AGAP1: variants seen among roughly 807,000 people sequenced by gnomAD.
AGAP1 encodes the protein ArfGAP with GTPase domain, ankyrin repeat and PH domain 1, also known as arf-GAP with GTPase, ANK repeat and PH domain-containing protein 1.
AGAP1 carries 29 observed loss-of-function variants against 105.3 expected under a neutral mutation model. That is an observed-to-expected ratio of 0.28 (90% confidence interval 0.21 to 0.38). The LOEUF (loss-of-function observed/expected upper bound fraction) is 0.38, where lower values mean the gene tolerates loss of function less well. Among genes scored for constraint, AGAP1 ranks in the 10% least tolerant of loss-of-function variants. The pLI is 1.00. For synonymous variants in AGAP1, 509 were observed against 485.9 expected, an observed-to-expected ratio of 1.05 and a Z score of -0.63; for missense variants, 998 against 1,165.1, an observed-to-expected ratio of 0.86 and a Z score of 2.09.
intron 6 of AGAP1, among the ~76,000 whole-genome samples, chr2:235,768,467 A>G (rs1198643378): frequency 6.6e-6 from 1 of 152,230 alleles, no homozygotes; most frequent in Non-Finnish European, 1.5e-5. Context: ...AAGTCATGAG[A>G]AAAGAAGTTA....
intron 9 of AGAP1, among the ~76,000 whole-genome samples, chr2:235,880,519 T>TC (rs2049965355): frequency 6.6e-6 from 1 of 150,728 alleles, no homozygotes; most frequent in Non-Finnish European, 1.5e-5. Flanking sequence ...TCACCTGAGG[T>TC]CAGCAGTTCA....
At position 235,970,447 on chromosome 2, in the gene AGAP1, A is replaced by G. The variant is rs1351084873; in HGVS notation, c.1645+1824A>G. On this transcript the variant is annotated intron_variant, in intron 13 of 17. Coordinates refer to ENST00000304032, the MANE Select transcript of AGAP1 (RefSeq NM_001037131.3). The surrounding 1 kb of genome is among the most constrained non-coding windows in gnomAD (Gnocchi z 5.4). ...TGCAGCCACCCCTCCCTGATTGGGA[A>G]GAAGGTTAGCCTCCCCCAGGGTGGG... Among the ~76,000 whole-genome samples, 1 of 152,136 alleles carries G rather than the reference A, an allele frequency of 6.6e-6. No homozygotes were observed. The highest frequency in any genetic ancestry group is 1.5e-5 in the Non-Finnish European group (1 of 68,020).
chr2:235,923,491 C>T lies in AGAP1; in HGVS notation c.1325-7274C>T, dbSNP rs73996631. On this transcript the variant is annotated intron_variant, in intron 11 of 17. Transcript: ENST00000304032. ...GCAGCAGGTAGCCAGCCCTCATGGA[C>T]CCCTTCCTGTCCCGTGCACCCCCAC... Among the ~76,000 whole-genome samples, 1,329 of 151,514 alleles carry T rather than the reference C, an allele frequency of 8.8e-3. 18 individuals are homozygous for T. Among genetic ancestry groups the T allele is most frequent in the African/African-American group, 0.031 (1,271 of 41,162 alleles).
Position 236,101,625 on chromosome 2 carries a change from C to T in AGAP1, c.2115-18567C>T, listed in dbSNP as rs537504388. Among the ~76,000 whole-genome samples, 23 of 152,168 alleles carry T rather than the reference C, an allele frequency of 1.5e-4. No individual in the cohort carries two copies. Among genetic ancestry groups the T allele is most frequent in the Non-Finnish European group, 2.2e-4 (15 of 68,030 alleles). On this transcript the variant is annotated intron_variant, in intron 16 of 17. Transcript: ENST00000304032. The surrounding 1 kb of genome is among the most constrained non-coding windows in gnomAD (Gnocchi z 4.9). ...TACATCCACTTTACGGGATCCGGAG[C>T]GGAGGAAAAGGGCCATTTCTCTTCC... is the stretch of plus-strand genomic sequence containing the variant.
rs1352522373 is a variant in AGAP1 at position 235,751,337 on chromosome 2, GGGTCC to G, written c.673+850_673+854del. On this transcript the variant is annotated intron_variant, in intron 6 of 17. Coordinates refer to ENST00000304032, the MANE Select transcript of AGAP1 (RefSeq NM_001037131.3). This position sits in a 1 kb window ranked among gnomAD's most constrained non-coding sequence, Gnocchi z 5.3. ...GTGGGAGTGGTGGAAGTCACTTGTA[GGGTCC>G]TCTCCCCTTCTGGTTTAAATCCATG... Among the ~76,000 whole-genome samples the G allele has an allele frequency of 2.0e-5, 3 of 152,124 alleles. No homozygotes were observed. Among genetic ancestry groups the G allele is most frequent in the Non-Finnish European group, 4.4e-5 (3 of 68,004 alleles).
Position 235,908,715 on chromosome 2 carries a change from T to C in AGAP1, c.1156-23T>C. The C allele has an allele frequency of 6.4e-7, 1 of 1,574,636 alleles. No individual in the cohort carries two copies. On this transcript the variant is annotated intron_variant, in intron 10 of 17. Transcript: ENST00000304032. This position sits in a 1 kb window ranked among gnomAD's most constrained non-coding sequence, Gnocchi z 4.4. ...GTCTTTTTTTTTTTTTTATCTCTCTTGGATGTTTAACATTTTCAACAGGAT... is the reference window on the plus strand; with the variant it reads ...GTCTTTTTTTTTTTTTTATCTCTCTCGGATGTTTAACATTTTCAACAGGAT...
chr2:235,530,273 C>T (rs1942996492), intron 1 of AGAP1, among the ~76,000 whole-genome samples: 1 of 152,090 alleles, frequency 6.6e-6, no homozygotes, highest in Non-Finnish European at 1.5e-5. Context: ...GATGTACAGT[C>T]GACTTGCCAT....
rs1043549782 is a variant in AGAP1 at position 235,979,218 on chromosome 2, A to G, written c.1645+10595A>G. 6.7e-6 allele frequency among the ~76,000 whole-genome samples: 1 copy of G among 150,208 alleles called. No homozygotes were observed. The highest frequency in any genetic ancestry group is 2.5e-5 in the African/African-American group (1 of 40,614). On this transcript the variant is annotated intron_variant, in intron 13 of 17. Transcript: ENST00000304032. This position sits in a 1 kb window ranked among gnomAD's most constrained non-coding sequence, Gnocchi z 4.5. ...ATCCCTGGTCTCAAGAGATCCTCCC[A>G]TGTCAGCTTCCTGAGTTGCTGGGAT...
Position 236,053,008 on chromosome 2 carries a change from CTG to C in AGAP1, c.2114+3733_2114+3734del, listed in dbSNP as rs2125722463. On this transcript the variant is annotated intron_variant, in intron 16 of 17. Coordinates refer to ENST00000304032, the MANE Select transcript of AGAP1 (RefSeq NM_001037131.3). The surrounding 1 kb of genome is among the most constrained non-coding windows in gnomAD (Gnocchi z 4.6). ...AGGGGTTTAAGAAGGGAGCCGTCAG[CTG>C]TGTGTAGGACAGGACTTCGTAACAC... 6.6e-6 allele frequency among the ~76,000 whole-genome samples: 1 copy of C among 152,184 alleles called. No homozygotes were observed. Among genetic ancestry groups the C allele is most frequent in the East Asian group, 1.9e-4 (1 of 5,182 alleles).
intron 1 of AGAP1, among the ~76,000 whole-genome samples, chr2:235,588,874 C>T (rs185901853): frequency 1.1e-3 from 166 of 152,242 alleles, no homozygotes; most frequent in African/African-American, 2.9e-3. Flanking sequence ...AAGAATCTTC[C>T]GGCTGGGAAA....
At position 236,080,865 on chromosome 2, in the gene AGAP1, A is replaced by G. The variant is rs528555810; in HGVS notation, c.2114+31584A>G. On this transcript the variant is annotated intron_variant, in intron 16 of 17. Coordinates refer to ENST00000304032, the MANE Select transcript of AGAP1 (RefSeq NM_001037131.3). This position sits in a 1 kb window ranked among gnomAD's most constrained non-coding sequence, Gnocchi z 4.2. ...TTCTGACTCTGATTCTCCTATTTAT[A>G]TGACCCTCTTATAAGGACCCTTGTA... Among the ~76,000 whole-genome samples the G allele has an allele frequency of 2.6e-5, 4 of 152,244 alleles. No homozygotes were observed. The South Asian group carries it at 6.2e-4, about 24-fold the overall frequency.
At chr2:235,536,712 C>G (rs1289013625) in intron 1 of AGAP1, among the ~76,000 whole-genome samples, 1 of 151,680 alleles carries the variant, frequency 6.6e-6, no homozygotes, top group Non-Finnish European at 1.5e-5. Flanking sequence ...TCCCTGAAAA[C>G]ATGAGGTCTG....
rs1030734525 is a variant in AGAP1, at chr2:235,797,979, C to G, written c.801+93C>G. 62 of 1,310,570 alleles carry G rather than the reference C, an allele frequency of 4.7e-5. No homozygotes were observed. The African/African-American group carries it at 7.2e-4, about 15-fold the overall frequency. 81.2% of individuals were successfully genotyped at this position (1,310,570 alleles called of 1,614,324 possible). On this transcript the variant is annotated intron_variant, in intron 7 of 17. Transcript: ENST00000304032. ...CAATGCTAAGGTTGATTTTTTTTTT[C>G]TTTTCAACTTTATAAGTAACAGCAT...
intron 1 of AGAP1, among the ~76,000 whole-genome samples, chr2:235,512,854 A>G (rs1942207920): frequency 6.6e-6 from 1 of 152,164 alleles, no homozygotes; most frequent in Non-Finnish European, 1.5e-5. Flanking sequence ...GAGATACATG[A>G]GTGAAAATAT....
At position 235,927,008 on chromosome 2, in the gene AGAP1, T is replaced by C. The variant is rs1393607913; in HGVS notation, c.1325-3757T>C. ...AAAAATGATCAACTAAGTAAAAATG[T>C]CTCTATGAGCTCAGCCTGGACGTCA... On this transcript the variant is annotated intron_variant, in intron 11 of 17. Coordinates refer to ENST00000304032, the MANE Select transcript of AGAP1 (RefSeq NM_001037131.3). This position sits in a 1 kb window ranked among gnomAD's most constrained non-coding sequence, Gnocchi z 4.4. 1.3e-5 allele frequency among the ~76,000 whole-genome samples: 2 copies of C among 152,238 alleles called. No individual in the cohort carries two copies. The highest frequency in any genetic ancestry group is 4.8e-5 in the African/African-American group (2 of 41,464).
Position 236,096,149 on chromosome 2 carries a change from A to G in AGAP1, c.2115-24043A>G, listed in dbSNP as rs1376936000. On this transcript the variant is annotated intron_variant, in intron 16 of 17. Coordinates refer to ENST00000304032, the MANE Select transcript of AGAP1 (RefSeq NM_001037131.3). This position sits in a 1 kb window ranked among gnomAD's most constrained non-coding sequence, Gnocchi z 4.4. ...CCTACCATGTGCATAGCTGTTTTTCATCCAGTAGGTAACTTCACTGGCTTC... is the reference window on the plus strand; with the variant it reads ...CCTACCATGTGCATAGCTGTTTTTCGTCCAGTAGGTAACTTCACTGGCTTC... 6.6e-6 allele frequency among the ~76,000 whole-genome samples: 1 copy of G among 152,178 alleles called. No individual in the cohort carries two copies. Among genetic ancestry groups the G allele is most frequent in the African/African-American group, 2.4e-5 (1 of 41,466 alleles).
Position 235,902,969 on chromosome 2 carries a change from T to C in AGAP1, c.1156-5769T>C, listed in dbSNP as rs543194271. 7.9e-5 allele frequency among the ~76,000 whole-genome samples: 12 copies of C among 152,302 alleles called. No homozygotes were observed. In the South Asian group the frequency reaches 2.1e-3, roughly 26 times the overall value. On this transcript the variant is annotated intron_variant, in intron 10 of 17. Coordinates refer to ENST00000304032, the MANE Select transcript of AGAP1 (RefSeq NM_001037131.3). ...AGCATGCCAGTGAATAATGTGATGATGACTAGTACAGTTTGGGGCTACTAC... is the reference window on the plus strand; with the variant it reads ...AGCATGCCAGTGAATAATGTGATGACGACTAGTACAGTTTGGGGCTACTAC...
rs144865961 is a variant in AGAP1 at position 236,039,593 on chromosome 2, G to A, written c.1801-1158G>A. On this transcript the variant is annotated intron_variant, in intron 14 of 17. Coordinates refer to ENST00000304032, the MANE Select transcript of AGAP1 (RefSeq NM_001037131.3). ...CGTTTATGATAGAGAAAAATTGGAA[G>A]CAACTTAAATGTCCATCAAAGAGAA... Among the ~76,000 whole-genome samples, 3 of 152,328 alleles carry A rather than the reference G, an allele frequency of 2.0e-5. No homozygotes were observed. In the East Asian group the frequency reaches 5.8e-4, roughly 29 times the overall value.
intron 6 of AGAP1, among the ~76,000 whole-genome samples, chr2:235,781,100 A>G (rs1956233554): frequency 6.6e-6 from 1 of 152,212 alleles, no homozygotes. Context: ...CACTGATTAT[A>G]TTTAATCTGG....
Sources: allele counts gnomAD v4.1 joint callset (sites outside exome capture counted in the v4.1 genomes callset), GRCh38; gene constraint gnomAD v4.1.1; non-coding constraint Gnocchi (gnomAD v3.1); transcripts MANE v1.5; gene names NCBI Gene and HGNC (gene_info 2026-07-23, HGNC 2026-07-21).